The following GALNTL5 variants were observed in gnomAD, a reference collection of about 807,000 sequenced individuals.
The protein encoded by GALNTL5 is polypeptide N-acetylgalactosaminyltransferase like 5.
GALNTL5 carries 44 observed loss-of-function variants against 51.0 expected under a neutral mutation model. The observed-to-expected ratio is 0.86, with a 90% CI of 0.68 to 1.11. GALNTL5 has a LOEUF of 1.11. Among genes scored for constraint, GALNTL5 ranks in the 50% least tolerant of loss-of-function variants. The pLI is 0.00. For missense variants in GALNTL5, 528 were observed against 531.8 expected (o/e 0.99, Z 0.07); for synonymous variants, 192 against 182.8 (o/e 1.05, Z -0.41).
rs201401417 is a variant in GALNTL5 at position 151,967,241 on chromosome 7, T to C, written c.-6T>C. ...AAAATGGACCTTTGAAAATGCTAGA[T>C]TTACAATGAGAAATGCCATAATTCA... On this transcript the variant is annotated 5_prime_UTR_variant, in exon 2 of 9. Transcript: ENST00000392800. 7.1e-4 allele frequency: 1,144 copies of C among 1,607,110 alleles called. 1 individual carries two copies. The highest frequency in any genetic ancestry group is 9.5e-4 in the Non-Finnish European group (1,118 of 1,177,020).
chr7:151,967,469 G>T lies in GALNTL5; in HGVS notation c.223G>T (p.Glu75Ter). 6.2e-7 allele frequency: 1 copy of T among 1,613,830 alleles called. No homozygotes were observed. The highest frequency in any genetic ancestry group is 1.1e-5 in the South Asian group (1 of 91,038). The change falls in exon 2 of 9, where the codon GAA becomes TAA. Residue 75 changes from glutamate to a stop codon, truncating the protein, a stop_gained. Coordinates refer to ENST00000392800, the MANE Select transcript of GALNTL5 (RefSeq NM_145292.4). LOFTEE classifies it high-confidence loss of function. The part of the protein sequence containing the change: ...KPHVIVKRTD[E>*]DKAKSMLGTD... ...TCATGTAATAGTCAAAAGGACTGAT[G>T]AAGATAAAGCAAAGTCTATGTTAGG... is the stretch of plus-strand genomic sequence containing the variant.
Position 152,007,839 on chromosome 7 carries a change from G to A in GALNTL5, c.921G>A (p.Met307Ile). 1.3e-6 allele frequency: 2 copies of A among 1,599,088 alleles called. No individual in the cohort carries two copies. Among genetic ancestry groups the A allele is most frequent in the African/African-American group, 1.3e-5 (1 of 74,722 alleles). The change falls in exon 7 of 9, where the codon ATG becomes ATA. Residue 307 changes from methionine to isoleucine, a missense_variant. By Grantham distance (10) the Met-to-Ile change is conservative (BLOSUM62 1). Transcript: ENST00000392800. ...GTCCCCTTTCTAGGTCACCTGCAAT[G>A]TCTGGAGGAATTTTTGCTATACGTC... is the stretch of plus-strand genomic sequence containing the variant. ...GSTKPIRSPA[M>I]SGGIFAIRRH...
intron 5 of GALNTL5, among the ~76,000 whole-genome samples, chr7:152,002,497 C>T (rs1358109449): frequency 6.6e-6 from 1 of 152,168 alleles, no homozygotes; most frequent in Non-Finnish European, 1.5e-5. Context: ...CTCTAACCCA[C>T]AATTACTGGC....
chr7:151,962,233 C>A (rs954967811), intron 1 of GALNTL5, among the ~76,000 whole-genome samples: 5 of 152,002 alleles, frequency 3.3e-5, no homozygotes, highest in Admixed American at 2.0e-4. Flanking sequence ...GAACTCCTGA[C>A]CTCGTGATCC....
At chr7:151,999,181 C>T (rs2081539674) in intron 5 of GALNTL5, among the ~76,000 whole-genome samples, 1 of 152,182 alleles carries the variant, frequency 6.6e-6, no homozygotes, top group Non-Finnish European at 1.5e-5. Flanking sequence ...TGAGGTTCAT[C>T]CACATGGTGG....
chr7:152,014,561 C>T (rs1295429443), intron 7 of GALNTL5, 83 bp from the exon 8 acceptor site: 1 of 1,365,896 alleles, frequency 7.3e-7, no homozygotes, highest in Non-Finnish European at 1.0e-6. Context: ...AGCCACCGCA[C>T]CTGGCCATTA....
At chr7:151,969,610 C>A (rs1255683537) in intron 2 of GALNTL5, among the ~76,000 whole-genome samples, 2 of 151,922 alleles carry the variant, frequency 1.3e-5, no homozygotes, top group African/African-American at 4.8e-5. Flanking sequence ...TCCCGGATGT[C>A]GCCTATTGAT....
At chr7:151,995,476 T>C (rs1228223035) in intron 5 of GALNTL5, 2 of 146,220 alleles carry the variant, frequency 1.4e-5, no homozygotes, top group African/African-American at 5.0e-5. Flanking sequence ...GTGTTGCTTC[T>C]GGATGTGGGG....
intron 3 of GALNTL5, among the ~76,000 whole-genome samples, chr7:151,979,757 AG>A (rs2081256244): frequency 6.6e-6 from 1 of 152,084 alleles, no homozygotes; most frequent in African/African-American, 2.4e-5. Flanking sequence ...GCACCTGGCC[AG>A]GAAAGTTTTT....
At chr7:151,998,350 T>A (rs922914628) in intron 5 of GALNTL5, among the ~76,000 whole-genome samples, 18 of 152,090 alleles carry the variant, frequency 1.2e-4, no homozygotes, top group Non-Finnish European at 1.9e-4. Context: ...TCTATTTTTT[T>A]AACAAAAAAA....
At chr7:151,988,785 C>A (rs1326489285) in intron 5 of GALNTL5, among the ~76,000 whole-genome samples, 1 of 151,682 alleles carries the variant, frequency 6.6e-6, no homozygotes, top group Non-Finnish European at 1.5e-5. Flanking sequence ...TCTGTAACCT[C>A]CTCCCACTGG....
In GALNTL5 at chr7:152,019,904, A is replaced by G. The variant is rs2081869646; in HGVS notation, c.*103A>G. The G allele has an allele frequency of 1.0e-6, 1 of 983,192 alleles. No homozygotes were observed. The highest frequency in any genetic ancestry group is 1.5e-6 in the Non-Finnish European group (1 of 672,952). 60.9% of individuals were successfully genotyped at this position (983,192 alleles called of 1,614,324 possible). Reference sequence around the variant, plus strand: ...TTTGGAACATCGTGGAATTACGTGAAATGCAATTAAAAAAATATGACCAGA... The same window carrying G: ...TTTGGAACATCGTGGAATTACGTGAGATGCAATTAAAAAAATATGACCAGA... On this transcript the variant is annotated 3_prime_UTR_variant, in exon 9 of 9. Coordinates refer to ENST00000392800, the MANE Select transcript of GALNTL5 (RefSeq NM_145292.4).
At chr7:151,967,609 A>C in intron 2 of GALNTL5, 116 bp downstream of exon 2, 1 of 783,686 alleles carries the variant, frequency 1.3e-6, no homozygotes, top group Admixed American at 2.9e-5. Flanking sequence ...TTTAAGATAT[A>C]AATTATTTTA....
intron 7 of GALNTL5, among the ~76,000 whole-genome samples, 167 bp from the exon 8 acceptor site, chr7:152,014,477 A>C (rs1236981650): frequency 6.6e-6 from 1 of 152,210 alleles, no homozygotes; most frequent in Non-Finnish European, 1.5e-5. Flanking sequence ...CACGTTGGCC[A>C]GGCTGGTCTC....
At position 151,987,242 on chromosome 7, in the gene GALNTL5, C is replaced by T; in HGVS notation, c.619C>T (p.Leu207=). 2.5e-6 allele frequency: 4 copies of T among 1,598,110 alleles called. No homozygotes were observed. Among genetic ancestry groups the T allele is most frequent in the Non-Finnish European group, 3.4e-6 (4 of 1,174,782 alleles). Residue 207 remains leucine (L), a synonymous_variant, in exon 5 of 9, where the codon CTG becomes TTG. Coordinates refer to ENST00000392800, the MANE Select transcript of GALNTL5 (RefSeq NM_145292.4). ...AATAAGAAACAAAAAGAGAGAGGGGCTGATTCGAGCAAGGCTGATTGGAGC... is the reference window on the plus strand; with the variant it reads ...AATAAGAAACAAAAAGAGAGAGGGGTTGATTCGAGCAAGGCTGATTGGAGC... ...KIIRNKKREG[L]IRARLIGASH... is the part of the protein sequence containing the mutation.
rs531433195 is a variant in GALNTL5, at chr7:152,019,521, T to C, written c.1177-125T>C. ...CCTTCATTCCCTAGACAGAAAAAAA[T>C]TGGGATCTGGAGGGCTTTTTTAGTT... On this transcript the variant is annotated intron_variant, in intron 8 of 8. Transcript: ENST00000392800. 7 of 840,696 alleles carry C rather than the reference T, an allele frequency of 8.3e-6. No individual in the cohort carries two copies. The East Asian group carries it at 1.8e-4, about 22-fold the overall frequency. 52.1% of individuals were successfully genotyped at this position (840,696 alleles called of 1,614,324 possible). A position where few individuals can be genotyped will look rare whatever the true frequency, so the allele number is the denominator to read the frequency against.
chr7:151,966,897 A>G (rs921113501), intron 1 of GALNTL5, among the ~76,000 whole-genome samples: 1 of 152,246 alleles, frequency 6.6e-6, no homozygotes, highest in Non-Finnish European at 1.5e-5. Context: ...ACTCCAAGGT[A>G]GACTGGATCT....
At position 152,007,895 on chromosome 7, in the gene GALNTL5, A is replaced by G; in HGVS notation, c.977A>G (p.Asp326Gly). The G allele has an allele frequency of 1.2e-6, 2 of 1,612,728 alleles. No homozygotes were observed. The highest frequency in any genetic ancestry group is 8.5e-7 in the Non-Finnish European group (1 of 1,179,130). Residue 326 changes from aspartate to glycine, a missense_variant, in exon 7 of 9, where the codon GAC becomes GGC. Transcript: ENST00000392800. ...TATTTTAATGAAATTGGACAGTATG[A>G]CAAGGATATGGATTTTTGGGGAAGA... is the stretch of plus-strand genomic sequence containing the variant. ...RHYFNEIGQY[D>G]KDMDFWGREN...
intron 6 of GALNTL5, among the ~76,000 whole-genome samples, chr7:152,005,667 A>G (rs980428097): frequency 2.0e-5 from 3 of 152,142 alleles, no homozygotes; most frequent in Admixed American, 2.0e-4. Flanking sequence ...TTTTGGAAAA[A>G]TATAGAATAT....
Sources: gnomAD v4.1 joint callset for allele counts (sites outside exome capture counted in the v4.1 genomes callset) on GRCh38, gnomAD v4.1.1 for gene constraint, MANE v1.5 for transcripts, NCBI Gene and HGNC (gene_info 2026-07-23, HGNC 2026-07-21) for gene names.